SEC14L6: variants seen among roughly 807,000 people sequenced by gnomAD.
SEC14L6 encodes SEC14-like protein 6.
A neutral mutation model predicts 54.1 loss-of-function variants in SEC14L6; 40 were observed. The ratio of observed to expected loss-of-function variants is 0.74; its 90% CI spans 0.57 to 0.96. The LOEUF (loss-of-function observed/expected upper bound fraction) is 0.96, where lower values mean the gene tolerates loss of function less well. SEC14L6 is among the 40% of genes least tolerant of loss of function. The probability of loss-of-function intolerance (pLI) is 0.00; values close to 1 mark genes in which losing one functional copy is unlikely to be tolerated. For synonymous variants in SEC14L6, 171 were observed against 198.4 expected (o/e 0.86, Z 1.16); for missense variants, 471 against 498.3 (o/e 0.95, Z 0.52).
At chr22:30,528,072 C>T (rs1936835714) in intron 8 of SEC14L6, among the ~76,000 whole-genome samples, 1 of 148,174 alleles carries the variant, frequency 6.7e-6, no homozygotes, top group Non-Finnish European at 1.5e-5. Context: ...CTGTACTTTA[C>T]AAATTTCTAA....
At chr22:30,542,131 C>G (rs1601902899) in intron 1 of SEC14L6, among the ~76,000 whole-genome samples, 1 of 152,310 alleles carries the variant, frequency 6.6e-6, no homozygotes, top group Non-Finnish European at 1.5e-5. Context: ...CACCGCGACC[C>G]TCCCCATCCG....
At chr22:30,525,774 G>A in intron 9 of SEC14L6, 24 bp from the exon 10 acceptor site, 1 of 1,613,786 alleles carries the variant, frequency 6.2e-7, no homozygotes, top group Non-Finnish European at 8.5e-7. Flanking sequence ...GGGTGTGTGG[G>A]CACTAGGTCA....
At chr22:30,533,162 T>A (rs1021657804) in intron 3 of SEC14L6, 4 of 984,612 alleles carry the variant, frequency 4.1e-6, no homozygotes, top group Non-Finnish European at 4.8e-6. Flanking sequence ...GGAGTCAGAC[T>A]CTACTTCCTG....
intron 1 of SEC14L6, chr22:30,543,334 T>C (rs1165200462): frequency 1.3e-6 from 2 of 1,572,754 alleles, no homozygotes; most frequent in African/African-American, 2.7e-5. Flanking sequence ...TCCACCCACC[T>C]TGGAGGTTAC....
intron 8 of SEC14L6, among the ~76,000 whole-genome samples, chr22:30,528,115 A>AT (rs1327201575): frequency 1.6e-4 from 22 of 134,446 alleles, no homozygotes; most frequent in African/African-American, 6.3e-4. Flanking sequence ...GAAAACCTAG[A>AT]TTTCTTTTTT....
At chr22:30,528,474 A>AGTTTAGTG (rs1936856315) in intron 8 of SEC14L6, among the ~76,000 whole-genome samples, 1 of 132,468 alleles carries the variant, frequency 7.5e-6, no homozygotes, top group Non-Finnish European at 1.5e-5. Context: ...CTCAAGCTGG[A>AGTTTAGTG]GTTTAGTGGC....
intron 8 of SEC14L6, among the ~76,000 whole-genome samples, chr22:30,526,326 CTGGTCAGA>C (rs1255970160): frequency 1.3e-5 from 2 of 152,232 alleles, no homozygotes; most frequent in African/African-American, 4.8e-5. Context: ...ACTCAGCCTT[CTGGTCAGA>C]TACTGCCCTC....
intron 8 of SEC14L6, among the ~76,000 whole-genome samples, chr22:30,527,596 T>C (rs1041332018): frequency 2.6e-5 from 4 of 151,420 alleles, no homozygotes; most frequent in African/African-American, 7.3e-5. Flanking sequence ...ATGCCTGTAG[T>C]CACAGCTACT....
At chr22:30,542,086 C>A (rs542477283) in intron 1 of SEC14L6, among the ~76,000 whole-genome samples, 8 of 152,178 alleles carry the variant, frequency 5.3e-5, no homozygotes, top group Admixed American at 6.5e-5. Flanking sequence ...GCTCAGACCC[C>A]GTCCCCAGCC....
chr22:30,532,013 CA>C lies in SEC14L6; in HGVS notation c.424-16del. 6.5e-7 allele frequency: 1 copy of C among 1,549,192 alleles called. No individual in the cohort carries two copies. Among genetic ancestry groups the C allele is most frequent in the Non-Finnish European group, 8.7e-7 (1 of 1,145,954 alleles). ...CTCTTCCCCAGCTGCAAGGGAATGA[CA>C]GGGGGTGAGACCCTGTGAGGGCCAC... On this transcript the variant is annotated splice_polypyrimidine_tract_variant and intron_variant, in intron 5 of 11. Coordinates refer to ENST00000402034, the MANE Select transcript of SEC14L6 (RefSeq NM_001193336.4).
chr22:30,541,544 A>G (rs2085710984), intron 1 of SEC14L6, among the ~76,000 whole-genome samples: 1 of 152,220 alleles, frequency 6.6e-6, no homozygotes, highest in Non-Finnish European at 1.5e-5. Flanking sequence ...CTGTGATCCC[A>G]GCTACTCAGG....
At chr22:30,542,086 C>G (rs542477283) in intron 1 of SEC14L6, among the ~76,000 whole-genome samples, 4 of 152,178 alleles carry the variant, frequency 2.6e-5, no homozygotes, top group Non-Finnish European at 4.4e-5. Context: ...GCTCAGACCC[C>G]GTCCCCAGCC....
At position 30,538,462 on chromosome 22, in the gene SEC14L6, T is replaced by G. The variant is rs377371709; in HGVS notation, c.130+365A>C. Among the ~76,000 whole-genome samples, 67 of 152,296 alleles carry G rather than the reference T, an allele frequency of 4.4e-4. 2 individuals are homozygous for G. The East Asian group carries it at 0.01, about 23-fold the overall frequency. On this transcript the variant is annotated intron_variant, in intron 2 of 11. Transcript: ENST00000402034. ...GGATCACTTATGGCGGGAAGCCAAC[T>G]GCCATGTTGTGAGGATGCTTGAGCA...
intron 3 of SEC14L6, chr22:30,533,253 T>C (rs5997676): frequency 0.74 from 371,438 of 505,166 alleles, 136,896 homozygotes; most frequent in Middle Eastern, 0.79. Context: ...GGCCACCCTG[T>C]AACCTCATCA....
intron 1 of SEC14L6, among the ~76,000 whole-genome samples, chr22:30,545,940 C>G (rs2146309047): frequency 6.6e-6 from 1 of 152,148 alleles, no homozygotes; most frequent in Non-Finnish European, 1.5e-5. Flanking sequence ...AAACGATTCT[C>G]CTGCCACAGG....
intron 2 of SEC14L6, among the ~76,000 whole-genome samples, chr22:30,535,275 CTTAGCTGGGCTGTCACCCAGCT>C (rs918039523): frequency 1.1e-4 from 16 of 152,238 alleles, no homozygotes; most frequent in Non-Finnish European, 1.5e-4. Context: ...TGAGCCCAGC[CTTAGCTGGGCTGTCACCCAGCT>C]TTCTAAGAGT....
chr22:30,539,210 G>A (rs767891198), intron 1 of SEC14L6, among the ~76,000 whole-genome samples: 1 of 151,968 alleles, frequency 6.6e-6, no homozygotes, highest in Non-Finnish European at 1.5e-5. Context: ...AACCCTGTCT[G>A]TACTAAAAAT....
In SEC14L6 at chr22:30,531,583, G is replaced by A. The variant is rs148955014; in HGVS notation, c.519+320C>T. ...CTACTAAAAATACAAAATTAGCCAG[G>A]CATGGTGGCGCATGTCTGCAATCGC... On this transcript the variant is annotated intron_variant, in intron 6 of 11. Transcript: ENST00000402034. Among the ~76,000 whole-genome samples, 886 of 152,236 alleles carry A rather than the reference G, an allele frequency of 5.8e-3. 8 individuals carry two copies. Among genetic ancestry groups the A allele is most frequent in the Middle Eastern group, 0.027 (8 of 294 alleles).
chr22:30,528,896 A>G (rs750823662), intron 8 of SEC14L6, among the ~76,000 whole-genome samples, 191 bp downstream of exon 8: 55 of 151,934 alleles, frequency 3.6e-4, no homozygotes, highest in Non-Finnish European at 7.2e-4. Flanking sequence ...GGAATCTCTG[A>G]GACCCTTCCT....
Sources: allele counts gnomAD v4.1 joint callset (sites outside exome capture counted in the v4.1 genomes callset), GRCh38; gene constraint gnomAD v4.1.1; transcripts MANE v1.5; gene names NCBI Gene and HGNC (gene_info 2026-07-23, HGNC 2026-07-21).